ABLIM2: variants seen among roughly 807,000 people sequenced by gnomAD.
ABLIM2 encodes actin binding LIM protein family member 2.
ABLIM2 carries 53 observed loss-of-function variants against 97.7 expected under a neutral mutation model. That is an observed-to-expected ratio of 0.54 (90% CI 0.44 to 0.68). ABLIM2 has a LOEUF of 0.68. Ranked by LOEUF, ABLIM2 falls within the 30% of genes least tolerant of loss-of-function variation. The probability of loss-of-function intolerance (pLI) is 0.00; values close to 1 mark genes in which losing one functional copy is unlikely to be tolerated. For missense variants in ABLIM2, 835 were observed against 867.2 expected (o/e 0.96, Z 0.47); for synonymous variants, 361 against 345.8 (o/e 1.04, Z -0.49).
In ABLIM2 at chr4:8,005,208, C is replaced by A. The variant is rs1047083451; in HGVS notation, c.1618+2851G>T. ...GATGCGTGTGCGCTCGCTCTGTCGG[C>A]GTCTCTGCCTCTCTCAGCTCCCTGC... On this transcript the variant is annotated intron_variant, in intron 16 of 20. Transcript: ENST00000447017. This position sits in a 1 kb window ranked among gnomAD's most constrained non-coding sequence, Gnocchi z 4.9. 2 of 455,504 alleles carry A rather than the reference C, an allele frequency of 4.4e-6. No homozygotes were observed. The highest frequency in any genetic ancestry group is 9.1e-6 in the Non-Finnish European group (2 of 220,290). 28.2% of individuals were successfully genotyped at this position (455,504 alleles called of 1,614,324 possible). A position where few individuals can be genotyped will look rare whatever the true frequency, so the allele number is the denominator to read the frequency against.
intron 1 of ABLIM2, among the ~76,000 whole-genome samples, chr4:8,107,158 G>T (rs933511760): frequency 5.3e-5 from 8 of 152,254 alleles, no homozygotes; most frequent in Admixed American, 2.0e-4. Context: ...CTGGGACATG[G>T]AGCTGAATAT....
chr4:8,045,381 C>A (rs549091261), intron 8 of ABLIM2, 140 bp from the exon 9 acceptor site: 126 of 760,536 alleles, frequency 1.7e-4, no homozygotes, highest in Non-Finnish European at 2.5e-4. Flanking sequence ...CCGGGCACGG[C>A]GGCTCACGCC....
At chr4:8,029,848 G>GA in intron 10 of ABLIM2, 72 bp from the exon 11 acceptor site, 1 of 1,515,642 alleles carries the variant, frequency 6.6e-7, no homozygotes, top group Non-Finnish European at 8.9e-7. Context: ...CCCATCCCCC[G>GA]ACACCATTTG....
chr4:7,982,786 C>T (rs1739798437), intron 20 of ABLIM2, among the ~76,000 whole-genome samples: 1 of 152,150 alleles, frequency 6.6e-6, no homozygotes, highest in Non-Finnish European at 1.5e-5. Context: ...TCACTGCAAC[C>T]TCTGCCTCCC....
At chr4:8,116,974 T>C (rs911859691) in intron 1 of ABLIM2, among the ~76,000 whole-genome samples, 30 of 152,192 alleles carry the variant, frequency 2.0e-4, no homozygotes, top group Non-Finnish European at 4.1e-4. Context: ...GTATAGACAG[T>C]AGGAGAGGGG....
At chr4:7,980,242 C>T (rs564483427) in intron 20 of ABLIM2, among the ~76,000 whole-genome samples, 67 of 152,266 alleles carry the variant, frequency 4.4e-4, no homozygotes, top group African/African-American at 1.6e-3. Context: ...TTCTACCCTC[C>T]TCCCTTCGGA....
At chr4:8,078,230 C>T (rs978451834) in intron 5 of ABLIM2, among the ~76,000 whole-genome samples, 2 of 152,224 alleles carry the variant, frequency 1.3e-5, no homozygotes, top group Non-Finnish European at 2.9e-5. Flanking sequence ...TCACAGCCCC[C>T]GAATATGAGG....
At chr4:8,057,668 T>A (rs1800200862) in intron 7 of ABLIM2, among the ~76,000 whole-genome samples, 1 of 152,224 alleles carries the variant, frequency 6.6e-6, no homozygotes, top group Admixed American at 6.5e-5. Context: ...AATACGGGCA[T>A]CTTAACAATT....
At chr4:7,978,694 G>C (rs1035361544) in intron 20 of ABLIM2, among the ~76,000 whole-genome samples, 1 of 151,460 alleles carries the variant, frequency 6.6e-6, no homozygotes, top group South Asian at 2.1e-4. Context: ...GACTGGGTGA[G>C]CCACCCACCC....
chr4:8,088,160 C>T lies in ABLIM2; in HGVS notation c.454+9G>A, dbSNP rs773655333. 3.2e-6 allele frequency: 5 copies of T among 1,540,906 alleles called. No homozygotes were observed. The highest frequency in any genetic ancestry group is 1.7e-5 in the Admixed American group (1 of 57,188). On this transcript the variant is annotated intron_variant, in intron 4 of 20. Transcript: ENST00000447017. ...CCACTCAACATGCCCCCACTCAGCG[C>T]CCACTTACTTCGGAGGCCCTGGGAC...
chr4:7,985,830 G>A (rs4696725), intron 17 of ABLIM2, among the ~76,000 whole-genome samples: 25,249 of 152,164 alleles, frequency 0.17, 2,676 homozygotes, highest in East Asian at 0.38. Flanking sequence ...TGTCTGGAAC[G>A]CTTTCCCTTC....
chr4:8,118,940 C>T (rs1391690789), intron 1 of ABLIM2, among the ~76,000 whole-genome samples: 1 of 152,190 alleles, frequency 6.6e-6, no homozygotes, highest in Non-Finnish European at 1.5e-5. Context: ...TTTACAGACG[C>T]AAAAGCTCAC....
At chr4:8,029,007 T>C (rs1779164119) in intron 11 of ABLIM2, among the ~76,000 whole-genome samples, 1 of 152,222 alleles carries the variant, frequency 6.6e-6, no homozygotes, top group Non-Finnish European at 1.5e-5. Flanking sequence ...GCGTCCCTGC[T>C]GTGGCTTTGA....
At chr4:8,039,561 G>C (rs557967323) in intron 9 of ABLIM2, among the ~76,000 whole-genome samples, 5 of 152,192 alleles carry the variant, frequency 3.3e-5, no homozygotes, top group Non-Finnish European at 5.9e-5. Flanking sequence ...GTGTGTAAAG[G>C]GTTTTTCCTC....
intron 6 of ABLIM2, among the ~76,000 whole-genome samples, chr4:8,065,261 C>T (rs75078620): frequency 0.042 from 6,389 of 152,178 alleles, 460 homozygotes; most frequent in African/African-American, 0.14. Context: ...CTTACAGAAA[C>T]GTTTTAAAAA....
rs1772182945 is a variant in ABLIM2 at position 8,019,740 on chromosome 4, C to A, written c.1370-69G>T. ...GCAGCAAGTTGTGATGGTTTCTGTT[C>A]TACAGCTTTTTGTAAGCAACAAGCA... On this transcript the variant is annotated intron_variant, in intron 13 of 20. Transcript: ENST00000447017. This position sits in a 1 kb window ranked among gnomAD's most constrained non-coding sequence, Gnocchi z 4.3. 6.8e-7 allele frequency: 1 copy of A among 1,461,520 alleles called. No homozygotes were observed. Among genetic ancestry groups the A allele is most frequent in the South Asian group, 1.2e-5 (1 of 85,600 alleles). The allele number at this position is 1,461,520 out of a possible 1,614,324, so 90.5% of individuals were successfully genotyped here.
chr4:8,062,136 C>G (rs904491410), intron 6 of ABLIM2, among the ~76,000 whole-genome samples: 17 of 151,942 alleles, frequency 1.1e-4, no homozygotes, highest in African/African-American at 3.9e-4. Flanking sequence ...CCCCTGCCAC[C>G]CTGACTGCTA....
At chr4:8,134,413 GCTGCCC>G (rs1227008970) in intron 1 of ABLIM2, among the ~76,000 whole-genome samples, 2 of 152,118 alleles carry the variant, frequency 1.3e-5, no homozygotes, top group Admixed American at 1.3e-4. Context: ...GCCGTCTCCT[GCTGCCC>G]CTCCCTCTCC....
intron 14 of ABLIM2, 108 bp from the exon 15 acceptor site, chr4:8,009,210 G>T (rs1276242957): frequency 1.5e-5 from 21 of 1,380,646 alleles, no homozygotes; most frequent in Non-Finnish European, 2.0e-5. Flanking sequence ...ATCAATCAAA[G>T]AGAAGGTCAG....
Sources: allele counts gnomAD v4.1 joint callset (sites outside exome capture counted in the v4.1 genomes callset), GRCh38; gene constraint gnomAD v4.1.1; non-coding constraint Gnocchi (gnomAD v3.1); transcripts MANE v1.5; gene names NCBI Gene and HGNC (gene_info 2026-07-23, HGNC 2026-07-21).